ABCA9: variants seen among roughly 807,000 people sequenced by gnomAD.
ABCA9 encodes the protein ATP binding cassette subfamily A member 9.
A neutral mutation model predicts 205.3 loss-of-function variants in ABCA9; 183 were observed. That is an observed-to-expected ratio of 0.89 (90% CI 0.79 to 1.01). The LOEUF (loss-of-function observed/expected upper bound fraction) is 1.01. Among genes scored for constraint, ABCA9 ranks in the 50% least tolerant of loss-of-function variants. ABCA9 has a pLI of 0.00. For missense variants in ABCA9, 1,805 were observed against 1,912.4 expected, an observed-to-expected ratio of 0.94 and a Z score of 1.05; for synonymous variants, 651 against 683.3, an observed-to-expected ratio of 0.95 and a Z score of 0.74.
chr17:69,056,389 C>G (rs2072070989), intron 1 of ABCA9, among the ~76,000 whole-genome samples: 1 of 152,138 alleles, frequency 6.6e-6, no homozygotes, highest in East Asian at 1.9e-4. Flanking sequence ...ATGAACAACC[C>G]TAGGCTTACA....
chr17:69,060,007 A>G (rs184093634), intron 1 of ABCA9, among the ~76,000 whole-genome samples: 38 of 152,170 alleles, frequency 2.5e-4, no homozygotes, highest in African/African-American at 8.9e-4. Context: ...AGGGTTAAAT[A>G]TTGTGCCCAC....
rs56790792 is a variant in ABCA9 at position 68,987,773 on chromosome 17, TG to T, written c.4047+1253del. On this transcript the variant is annotated intron_variant, in intron 31 of 38. Transcript: ENST00000340001. ...TTGTTTGTTTGTTTGTTTGTTTTTT[TG>T]TTTGAGATGGAGTTTCTCTATTGTT... is the stretch of plus-strand genomic sequence containing the variant. Among the ~76,000 whole-genome samples, 970 of 143,742 alleles carry T rather than the reference TG, an allele frequency of 6.7e-3. 13 individuals carry two copies. Among genetic ancestry groups the T allele is most frequent in the South Asian group, 0.015 (67 of 4,516 alleles). The allele number at this position is 143,742 out of a possible 152,430, so 94.3% of individuals were successfully genotyped here.
intron 17 of ABCA9, 61 bp from the exon 18 acceptor site, chr17:69,021,922 CA>C: frequency 8.0e-7 from 1 of 1,249,362 alleles, no homozygotes; most frequent in Non-Finnish European, 1.1e-6. Context: ...CCATATTTCT[CA>C]AAAATGTAAA....
At chr17:69,069,417 G>A in the ABCA9 span, among the ~76,000 whole-genome samples, 2 of 152,088 alleles carry the variant, frequency 1.3e-5, no homozygotes, top group South Asian at 2.1e-4. Context: ...CTGGAGGAGG[G>A]CAAAGCCTGT....
intron 29 of ABCA9, 84 bp from the exon 30 acceptor site, chr17:68,990,014 C>T: frequency 1.0e-6 from 1 of 978,552 alleles, no homozygotes; most frequent in South Asian, 1.6e-5. Context: ...CCAAACCTTT[C>T]CTTATAAAAA....
At chr17:68,976,096 T>G in intron 38 of ABCA9, 39 bp downstream of exon 38, 2 of 1,598,668 alleles carry the variant, frequency 1.3e-6, no homozygotes, top group Non-Finnish European at 1.7e-6. Context: ...TATACATGTA[T>G]ATTCCATGGA....
chr17:69,039,574 T>G (rs1206526145), intron 6 of ABCA9, among the ~76,000 whole-genome samples: 1 of 152,156 alleles, frequency 6.6e-6, no homozygotes, highest in African/African-American at 2.4e-5. Flanking sequence ...ATTAAAGACT[T>G]GAACATAAGA....
chr17:68,978,454 T>C (rs930347460), intron 37 of ABCA9, among the ~76,000 whole-genome samples: 1 of 152,228 alleles, frequency 6.6e-6, no homozygotes, highest in African/African-American at 2.4e-5. Flanking sequence ...AATTGGAGCA[T>C]TTAGCCCATT....
At chr17:68,994,775 C>G (rs1490262962) in intron 26 of ABCA9, among the ~76,000 whole-genome samples, 2 of 152,208 alleles carry the variant, frequency 1.3e-5, no homozygotes, top group East Asian at 3.8e-4. Context: ...ACAGCACCCC[C>G]TCCACTTGTG....
Position 69,020,581 on chromosome 17 carries a change from C to T in ABCA9, c.2407G>A (p.Gly803Arg). 1 of 1,612,972 alleles carries T rather than the reference C, an allele frequency of 6.2e-7. No individual in the cohort carries two copies. The part of the protein sequence containing the change: ...GKSTIDESDI[G>R]IWGQLQTDGA... ...TCAGTTTGTAATTGTCCCCAAATTCCAATATCTAAAACATAAGATCAATAT... is the reference window on the plus strand; with the variant it reads ...TCAGTTTGTAATTGTCCCCAAATTCTAATATCTAAAACATAAGATCAATAT... Residue 803 changes from glycine (G) to arginine (R), a missense_variant, in exon 19 of 39, where the codon GGA becomes AGA. Transcript: ENST00000340001.
chr17:68,984,208 TGG>T (rs2069158021), intron 34 of ABCA9, 33 bp from the exon 35 acceptor site: 2 of 1,609,326 alleles, frequency 1.2e-6, no homozygotes, highest in Non-Finnish European at 1.7e-6. Context: ...CGTGAACTCA[TGG>T]GAATGCTCAA....
Position 68,989,071 on chromosome 17 carries a change from T to C in ABCA9, c.4003A>G (p.Thr1335Ala), listed in dbSNP as rs61739757. Residue 1335 changes from threonine (T) to alanine (A), a missense_variant, in exon 31 of 39, where the codon ACT becomes GCT. By Grantham distance (58) the Thr-to-Ala change is moderately conservative (BLOSUM62 0). Coordinates refer to ENST00000340001, the MANE Select transcript of ABCA9 (RefSeq NM_080283.4). ...LGHNGAGKST[T>A]IKMITGDTKP... ...GTGTCTCCAGTTATCATCTTAATAG[T>C]TGTACTTTTACCAGCTCCATTGTGT... The C allele has an allele frequency of 1.9e-6, 3 of 1,613,606 alleles. No homozygotes were observed. The highest frequency in any genetic ancestry group is 2.5e-6 in the Non-Finnish European group (3 of 1,179,604).
chr17:69,015,020 A>T (rs2070532164), intron 22 of ABCA9, among the ~76,000 whole-genome samples: 1 of 152,124 alleles, frequency 6.6e-6, no homozygotes, highest in Non-Finnish European at 1.5e-5. Context: ...AGAAAGCATG[A>T]TGTCTCCCCA....
rs554452829 is a variant in ABCA9, at chr17:69,014,323, A to AAAT, written c.3039+1927_3039+1929dup. ...AGAGTTTATTAAAAACATTGAATAA[A>AAAT]AATATCTTCAGGCTCTGTGTAAAAG... On this transcript the variant is annotated intron_variant, in intron 22 of 38. Coordinates refer to ENST00000340001, the MANE Select transcript of ABCA9 (RefSeq NM_080283.4). 2.1e-3 allele frequency among the ~76,000 whole-genome samples: 321 copies of AAAT among 152,298 alleles called. 2 individuals carry two copies. The highest frequency in any genetic ancestry group is 7.6e-3 in the African/African-American group (314 of 41,568).
At chr17:69,025,994 C>A (rs11871766) in intron 16 of ABCA9, among the ~76,000 whole-genome samples, 75,897 of 151,532 alleles carry the variant, frequency 0.5, 21,895 homozygotes, top group Non-Finnish European at 0.65. Context: ...GAGAAAAAAA[C>A]CACAAAAGGA....
At chr17:69,005,868 G>A (rs536632170) in intron 25 of ABCA9, among the ~76,000 whole-genome samples, 1 of 152,194 alleles carries the variant, frequency 6.6e-6, no homozygotes, top group Admixed American at 6.5e-5. Flanking sequence ...AAACAAATAA[G>A]GAGACTTCCA....
intron 1 of ABCA9, among the ~76,000 whole-genome samples, chr17:69,056,904 T>G (rs1389380914): frequency 1.3e-5 from 2 of 152,188 alleles, no homozygotes; most frequent in African/African-American, 2.4e-5. Flanking sequence ...GATTTTCCTA[T>G]GAAACATCCC....
At chr17:69,065,626 C>G (rs2072339235), upstream of ABCA9, among the ~76,000 whole-genome samples, 1 of 152,134 alleles carries the variant, frequency 6.6e-6, no homozygotes, top group African/African-American at 2.4e-5. Context: ...GTAACTAACT[C>G]CGGTTCACAA....
intron 6 of ABCA9, among the ~76,000 whole-genome samples, chr17:69,041,493 C>G (rs1245096459): frequency 6.6e-6 from 1 of 152,022 alleles, no homozygotes; most frequent in African/African-American, 2.4e-5. Flanking sequence ...CACTTGAGGT[C>G]AGGAGTTCAA....
Sources: gnomAD v4.1 joint callset for allele counts (sites outside exome capture counted in the v4.1 genomes callset) on GRCh38, gnomAD v4.1.1 for gene constraint, MANE v1.5 for transcripts, NCBI Gene and HGNC (gene_info 2026-07-23, HGNC 2026-07-21) for gene names.